ADAMTS18: variants seen among roughly 807,000 people sequenced by gnomAD.
ADAMTS18 encodes ADAM metallopeptidase with thrombospondin type 1 motif 18.
In ADAMTS18, 157 loss-of-function variants were observed where a neutral mutation model predicts 165.9. The observed-to-expected ratio is 0.95, with a 90% confidence interval of 0.83 to 1.08. The LOEUF (loss-of-function observed/expected upper bound fraction) is 1.08. Among genes scored for constraint, ADAMTS18 ranks in the 50% least tolerant of loss-of-function variants. The pLI is 0.00. For missense variants in ADAMTS18, 2,040 were observed against 1,534.0 expected (o/e 1.33, Z -5.51); for synonymous variants, 782 against 578.2 (o/e 1.35, Z -5.06).
At chr16:77,367,376 C>G in intron 4 of ADAMTS18, 65 bp downstream of exon 4, 3 of 1,599,090 alleles carry the variant, frequency 1.9e-6, no homozygotes, top group Admixed American at 1.7e-5. Context: ...GTACACCCAA[C>G]AGCACTCAGG....
intron 12 of ADAMTS18, 76 bp from the exon 13 acceptor site, chr16:77,326,114 G>C (rs970128338): frequency 6.9e-7 from 1 of 1,453,802 alleles, no homozygotes; most frequent in Non-Finnish European, 9.5e-7. Flanking sequence ...AATATGAAGA[G>C]AGGCAATGAA....
chr16:77,338,789 T>C (rs1381749703), intron 11 of ADAMTS18, among the ~76,000 whole-genome samples: 2 of 150,766 alleles, frequency 1.3e-5, no homozygotes, highest in Non-Finnish European at 3.0e-5. Context: ...TCATCTCTAA[T>C]AAAAAATAGA....
intron 3 of ADAMTS18, among the ~76,000 whole-genome samples, chr16:77,415,055 A>T (rs1321341410): frequency 6.6e-6 from 1 of 152,234 alleles, no homozygotes; most frequent in Non-Finnish European, 1.5e-5. Context: ...AATCAACAAG[A>T]CCAGTAATGT....
Position 77,292,846 on chromosome 16 carries a change from G to A in ADAMTS18, c.3189+230C>T, listed in dbSNP as rs534005957. Among the ~76,000 whole-genome samples, 37 of 152,012 alleles carry A rather than the reference G, an allele frequency of 2.4e-4. No individual in the cohort carries two copies. In the South Asian group the frequency reaches 7.1e-3, roughly 29 times the overall value. ...CAGTGACTTTTTTTTTTGAGACAGA[G>A]TCTCACTCTGTCGCCCAGGCTGGAG... On this transcript the variant is annotated intron_variant, in intron 20 of 22. Transcript: ENST00000282849.
chr16:77,324,367 T>C (rs2056057412), intron 13 of ADAMTS18, among the ~76,000 whole-genome samples: 1 of 152,216 alleles, frequency 6.6e-6, no homozygotes, highest in African/African-American at 2.4e-5. Flanking sequence ...CCTCTAGTGA[T>C]GGGGACCTTG....
At chr16:77,364,796 G>GAAAA (rs1446252965) in intron 4 of ADAMTS18, among the ~76,000 whole-genome samples, 1,974 of 148,198 alleles carry the variant, frequency 0.013, 45 homozygotes, top group African/African-American at 0.049. Context: ...GCAAAGCAAA[G>GAAAA]GAAAGAAAAG....
intron 3 of ADAMTS18, among the ~76,000 whole-genome samples, chr16:77,370,179 C>G (rs1175179602): frequency 6.6e-6 from 1 of 152,124 alleles, no homozygotes; most frequent in Non-Finnish European, 1.5e-5. Context: ...CAGAACAAGA[C>G]AAAGATGCCC....
intron 11 of ADAMTS18, among the ~76,000 whole-genome samples, chr16:77,337,309 A>G (rs2056325675): frequency 6.6e-6 from 1 of 152,202 alleles, no homozygotes; most frequent in South Asian, 2.1e-4. Context: ...AGACAAAATT[A>G]CAATAGCCAA....
chr16:77,354,681 T>C (rs545990393), intron 9 of ADAMTS18, among the ~76,000 whole-genome samples: 84 of 152,266 alleles, frequency 5.5e-4, no homozygotes, highest in African/African-American at 1.6e-3. Flanking sequence ...TGAGTGACAA[T>C]GACTCTCATA....
rs749517658 is a variant in ADAMTS18 at position 77,322,340 on chromosome 16, C to G, written c.2159G>C (p.Cys720Ser). The change falls in exon 14 of 23, where the codon TGT becomes TCT. Residue 720 changes from cysteine to serine, a missense_variant. Physicochemically the swap from Cys to Ser is moderately radical, Grantham distance 112. Transcript: ENST00000282849. ...NKNDVCIDGV[C>S]ELVGCDHELG... is the part of the protein sequence containing the mutation. ...AAAGCAGAAACGTTCTCTTACTTCA[C>G]AAACCCCGTCAATACAAACATCATT... is the stretch of plus-strand genomic sequence containing the variant. 1.2e-6 allele frequency: 2 copies of G among 1,613,892 alleles called. No homozygotes were observed. Among genetic ancestry groups the G allele is most frequent in the South Asian group, 2.2e-5 (2 of 91,082 alleles).
intron 3 of ADAMTS18, among the ~76,000 whole-genome samples, chr16:77,388,002 C>A (rs1235195206): frequency 6.6e-6 from 1 of 152,190 alleles, no homozygotes; most frequent in Non-Finnish European, 1.5e-5. Context: ...GATGGCAGAG[C>A]TTTCCACTGT....
chr16:77,363,587 T>G (rs867279566), intron 6 of ADAMTS18, among the ~76,000 whole-genome samples: 1 of 151,398 alleles, frequency 6.6e-6, no homozygotes, highest in Admixed American at 6.6e-5. Context: ...TACATATGCA[T>G]ATATAAATAT....
rs746417193 is a variant in ADAMTS18, at chr16:77,289,348, G to A, written c.3466C>T (p.Pro1156Ser). Residue 1156 changes from proline (P) to serine (S), a missense_variant, in exon 22 of 23, where the codon CCT becomes TCT. Pro to Ser is a moderately conservative substitution (Grantham distance 74). Coordinates refer to ENST00000282849, the MANE Select transcript of ADAMTS18 (RefSeq NM_199355.4). ...RSVHCVQQGR[P>S]SSSCLLHQKP... Reference sequence around the variant, plus strand: ...TGATGGAGCAGACAACTTGAGGAAGGCCGGCCTTGCTGAACACAGTGGACT... The same window carrying A: ...TGATGGAGCAGACAACTTGAGGAAGACCGGCCTTGCTGAACACAGTGGACT... 73 of 1,614,026 alleles carry A rather than the reference G, an allele frequency of 4.5e-5. No homozygotes were observed. The highest frequency in any genetic ancestry group is 5.9e-5 in the Non-Finnish European group (70 of 1,180,016).
At chr16:77,293,885 G>A (rs1049599976) in intron 19 of ADAMTS18, among the ~76,000 whole-genome samples, 1 of 151,516 alleles carries the variant, frequency 6.6e-6, no homozygotes, top group African/African-American at 2.4e-5. Context: ...CTCATCTCCT[G>A]CTGGGCAGCC....
intron 16 of ADAMTS18, among the ~76,000 whole-genome samples, chr16:77,307,663 T>G (rs1278678642): frequency 2.0e-5 from 3 of 152,214 alleles, no homozygotes; most frequent in Non-Finnish European, 4.4e-5. Flanking sequence ...AATCGTCCTC[T>G]CGAGCCTGAC....
chr16:77,322,080 A>G (rs529199359), intron 14 of ADAMTS18, among the ~76,000 whole-genome samples: 17 of 145,716 alleles, frequency 1.2e-4, no homozygotes, highest in African/African-American at 4.0e-4. Context: ...ACTTGAACCC[A>G]GGAGGCAGAG....
rs1431000172 is a variant in ADAMTS18 at position 77,353,904 on chromosome 16, G to T, written c.1461-18C>A. On this transcript the variant is annotated intron_variant, in intron 9 of 22. Coordinates refer to ENST00000282849, the MANE Select transcript of ADAMTS18 (RefSeq NM_199355.4). Reference sequence around the variant, plus strand: ...GAGGTGTGCTGTAATGACAATACATGCTTATTAATTACTCTGTTGATCTGT... The same window carrying T: ...GAGGTGTGCTGTAATGACAATACATTCTTATTAATTACTCTGTTGATCTGT... 6.2e-7 allele frequency: 1 copy of T among 1,614,006 alleles called. No homozygotes were observed. The highest frequency in any genetic ancestry group is 1.1e-5 in the South Asian group (1 of 91,078).
At chr16:77,351,364 T>C (rs2056553358) in intron 10 of ADAMTS18, among the ~76,000 whole-genome samples, 1 of 152,160 alleles carries the variant, frequency 6.6e-6, no homozygotes, top group African/African-American at 2.4e-5. Flanking sequence ...TGAAAGACCA[T>C]CAGAATGAGA....
At chr16:77,432,183 T>C (rs2057748210) in intron 2 of ADAMTS18, among the ~76,000 whole-genome samples, 1 of 152,202 alleles carries the variant, frequency 6.6e-6, no homozygotes, top group South Asian at 2.1e-4. Flanking sequence ...TTTTCCAATA[T>C]TATTTATGTG....
Sources: allele counts gnomAD v4.1 joint callset (sites outside exome capture counted in the v4.1 genomes callset), GRCh38; gene constraint gnomAD v4.1.1; transcripts MANE v1.5; gene names NCBI Gene and HGNC (gene_info 2026-07-23, HGNC 2026-07-21).